The following PLPPR1 variants were observed in gnomAD, a reference collection of about 807,000 sequenced individuals.
PLPPR1 encodes phospholipid phosphatase-related protein type 1.
Under a neutral mutation model 33.1 loss-of-function variants are expected in PLPPR1, and 10 were observed. The observed-to-expected ratio is 0.30, with a 90% CI of 0.19 to 0.51. The LOEUF (loss-of-function observed/expected upper bound fraction) is 0.51, where lower values mean the gene tolerates loss of function less well. Ranked by LOEUF, PLPPR1 falls within the 20% of genes least tolerant of loss-of-function variation. The probability of loss-of-function intolerance (pLI) is 0.97; values close to 1 mark genes in which losing one functional copy is unlikely to be tolerated. For synonymous variants in PLPPR1, 151 were observed against 151.0 expected (o/e 1.00, Z 0.00); for missense variants, 304 against 408.1 (o/e 0.74, Z 2.20).
intron 2 of PLPPR1, among the ~76,000 whole-genome samples, chr9:101,196,813 C>T (rs1021087443): frequency 4.0e-5 from 6 of 151,086 alleles, no homozygotes; most frequent in African/African-American, 1.5e-4. Context: ...TGCAGTGAGC[C>T]GAGATCGGGC....
At chr9:101,076,337 G>A (rs1184690520) in intron 1 of PLPPR1, among the ~76,000 whole-genome samples, 1 of 152,142 alleles carries the variant, frequency 6.6e-6, no homozygotes, top group Non-Finnish European at 1.5e-5. Flanking sequence ...ATGTGACTCT[G>A]CCTTTGAGAA....
intron 4 of PLPPR1, among the ~76,000 whole-genome samples, chr9:101,298,348 A>G (rs1204053273): frequency 6.6e-6 from 1 of 152,206 alleles, no homozygotes; most frequent in Non-Finnish European, 1.5e-5. Flanking sequence ...CAGACTAAAA[A>G]GTGCCATGGT....
intron 1 of PLPPR1, among the ~76,000 whole-genome samples, chr9:101,099,258 T>G (rs188158270): frequency 7.9e-5 from 12 of 152,242 alleles, no homozygotes; most frequent in African/African-American, 2.4e-4. Flanking sequence ...TGAATTAAAT[T>G]GTTTCTAATG....
intron 6 of PLPPR1, among the ~76,000 whole-genome samples, chr9:101,316,616 C>CAAAAAAAA (rs553324474): frequency 2.2e-4 from 18 of 82,578 alleles, no homozygotes; most frequent in East Asian, 1.6e-3. Flanking sequence ...TCTTCTTGGG[C>CAAAAAAAA]AAAAAAAAAA....
intron 2 of PLPPR1, among the ~76,000 whole-genome samples, chr9:101,241,760 A>G (rs12000389): frequency 0.015 from 2,236 of 152,196 alleles, 45 homozygotes; most frequent in African/African-American, 0.049. Context: ...ACTGGGCAGC[A>G]AAACCTTTCT....
intron 4 of PLPPR1, among the ~76,000 whole-genome samples, chr9:101,292,633 C>CG (rs950894106): frequency 5.4e-3 from 281 of 52,244 alleles, no homozygotes; most frequent in African/African-American, 9.4e-3. Context: ...TTGGGCGGGG[C>CG]GGGGGGGGCC....
chr9:101,117,562 C>A (rs189988616), intron 1 of PLPPR1, among the ~76,000 whole-genome samples: 1 of 152,024 alleles, frequency 6.6e-6, no homozygotes, highest in African/African-American at 2.4e-5. Flanking sequence ...AAAGAAATAA[C>A]CATAAAAATG....
chr9:101,083,736 G>A (rs764774702), intron 1 of PLPPR1, among the ~76,000 whole-genome samples: 27 of 152,212 alleles, frequency 1.8e-4, no homozygotes, highest in Non-Finnish European at 3.7e-4. Flanking sequence ...ATTGAGGAAT[G>A]CCGCATTGAA....
chr9:101,182,956 C>G (rs1826140783), intron 1 of PLPPR1, among the ~76,000 whole-genome samples: 2 of 151,334 alleles, frequency 1.3e-5, no homozygotes, highest in Non-Finnish European at 3.0e-5. Context: ...CATTTCACGC[C>G]CAGTAGAATA....
Position 101,172,657 on chromosome 9 carries a change from A to G in PLPPR1, c.-45-12793A>G, listed in dbSNP as rs114721361. On this transcript the variant is annotated intron_variant, in intron 1 of 7. Coordinates refer to ENST00000374874, the MANE Select transcript of PLPPR1 (RefSeq NM_207299.2). The stretch of plus-strand genomic sequence containing the variant: ...CTGAAGACTCAAGGTCCCTCTGCAA[A>G]CCCCCAAGTGCTCTCTCTCTGCAGC... Among the ~76,000 whole-genome samples, 304 of 151,802 alleles carry G rather than the reference A, an allele frequency of 2.0e-3. 1 individual carries two copies. Among genetic ancestry groups the G allele is most frequent in the African/African-American group, 7.0e-3 (291 of 41,398 alleles).
chr9:101,298,471 A>T (rs1317036598), intron 4 of PLPPR1, among the ~76,000 whole-genome samples: 1 of 152,218 alleles, frequency 6.6e-6, no homozygotes, highest in Non-Finnish European at 1.5e-5. Flanking sequence ...TGGTTTTAAG[A>T]ATTGATACCC....
chr9:101,319,211 C>T (rs1314946698), intron 7 of PLPPR1, among the ~76,000 whole-genome samples: 3 of 152,234 alleles, frequency 2.0e-5, no homozygotes, highest in Non-Finnish European at 4.4e-5. Flanking sequence ...GAGTCTCACT[C>T]TTTCGCCCAG....
In PLPPR1 at chr9:101,127,356, TG is replaced by T. The variant is rs1487241869; in HGVS notation, c.-45-58093del. On this transcript the variant is annotated intron_variant, in intron 1 of 7. Transcript: ENST00000374874. ...TCTAAGGATTGAGAAAAAGACAGTT[TG>T]AGAAGTAAAGTGGGACCAGGGGGCC... Among the ~76,000 whole-genome samples, 4 of 152,060 alleles carry T rather than the reference TG, an allele frequency of 2.6e-5. No individual in the cohort carries two copies. The East Asian group carries it at 5.8e-4, about 22-fold the overall frequency.
intron 1 of PLPPR1, among the ~76,000 whole-genome samples, chr9:101,181,213 A>G (rs116181984): frequency 0.019 from 2,874 of 147,968 alleles, 99 homozygotes; most frequent in African/African-American, 0.068. Flanking sequence ...GTATATATAT[A>G]TTCTCATCAC....
At chr9:101,199,696 A>ACAT (rs1453825823) in intron 2 of PLPPR1, among the ~76,000 whole-genome samples, 2 of 152,338 alleles carry the variant, frequency 1.3e-5, no homozygotes, top group African/African-American at 4.8e-5. Flanking sequence ...AAAATAAGGT[A>ACAT]CATCTATGCC....
intron 4 of PLPPR1, among the ~76,000 whole-genome samples, chr9:101,292,421 A>C (rs990326561): frequency 6.6e-6 from 1 of 152,144 alleles, no homozygotes; most frequent in South Asian, 2.1e-4. Context: ...CCAACATTCA[A>C]ATTCAGGAAA....
chr9:101,164,658 G>A (rs1338063561), intron 1 of PLPPR1, among the ~76,000 whole-genome samples: 2 of 151,988 alleles, frequency 1.3e-5, no homozygotes, highest in East Asian at 1.9e-4. Context: ...GCAAGCCACT[G>A]CACCTGGCCA....
chr9:101,242,859 A>C (rs1827503298), intron 2 of PLPPR1, among the ~76,000 whole-genome samples: 1 of 152,070 alleles, frequency 6.6e-6, no homozygotes, highest in Non-Finnish European at 1.5e-5. Context: ...CTCACAGTTT[A>C]ATGGTGAGCA....
intron 2 of PLPPR1, among the ~76,000 whole-genome samples, chr9:101,253,161 T>G (rs905858454): frequency 2.0e-5 from 3 of 151,904 alleles, no homozygotes; most frequent in African/African-American, 7.3e-5. Flanking sequence ...TGAATTACAG[T>G]GGAGGGTTCC....
Sources: gnomAD v4.1 joint callset for allele counts (sites outside exome capture counted in the v4.1 genomes callset) on GRCh38, gnomAD v4.1.1 for gene constraint, MANE v1.5 for transcripts, NCBI Gene and HGNC (gene_info 2026-07-23, HGNC 2026-07-21) for gene names.